The following CD86 variants were observed in gnomAD, a reference collection of about 807,000 sequenced individuals.
CD86 encodes T-lymphocyte activation antigen CD86.
Under a neutral mutation model 32.1 loss-of-function variants are expected in CD86, and 11 were observed. That is an observed-to-expected ratio of 0.34 (90% confidence interval 0.22 to 0.57). The LOEUF (loss-of-function observed/expected upper bound fraction) is 0.57. Ranked by LOEUF, CD86 falls within the 20% of genes least tolerant of loss-of-function variation. CD86 has a pLI of 0.86. For missense variants in CD86, 359 were observed against 398.4 expected (o/e 0.90, Z 0.84); for synonymous variants, 137 against 135.3 (o/e 1.01, Z -0.09).
intron 1 of CD86, among the ~76,000 whole-genome samples, chr3:122,081,492 T>C (rs1347675156): frequency 6.6e-6 from 1 of 152,190 alleles, no homozygotes; most frequent in Non-Finnish European, 1.5e-5. Context: ...CAGGGTTATA[T>C]ATTATCAGGA....
chr3:122,065,877 G>A (rs756916821), intron 1 of CD86, among the ~76,000 whole-genome samples: 2 of 151,934 alleles, frequency 1.3e-5, no homozygotes, highest in Admixed American at 6.6e-5. Context: ...AAACTTGACT[G>A]GGGGCTCAAT....
intron 1 of CD86, among the ~76,000 whole-genome samples, chr3:122,081,299 G>A (rs1347320976): frequency 1.3e-5 from 2 of 152,246 alleles, no homozygotes; most frequent in East Asian, 3.9e-4. Context: ...TTATTTGATT[G>A]TGTCTCAGAA....
chr3:122,066,176 T>C (rs1244710344), intron 1 of CD86, among the ~76,000 whole-genome samples: 1 of 152,232 alleles, frequency 6.6e-6, no homozygotes, highest in Non-Finnish European at 1.5e-5. Flanking sequence ...TTTGGGGGCC[T>C]TAAGAAAAAT....
intron 5 of CD86, among the ~76,000 whole-genome samples, chr3:122,117,261 T>C (rs1300686665): frequency 6.6e-6 from 1 of 152,212 alleles, no homozygotes; most frequent in Non-Finnish European, 1.5e-5. Context: ...ATCATTCTTA[T>C]GACTTTGTGG....
chr3:122,106,863 C>CACACACACACAT (rs1553754179), intron 4 of CD86, among the ~76,000 whole-genome samples: 1 of 151,914 alleles, frequency 6.6e-6, no homozygotes, highest in Non-Finnish European at 1.5e-5. Context: ...CACACACACA[C>CACACACACACAT]ACACACACCA....
intron 1 of CD86, among the ~76,000 whole-genome samples, chr3:122,070,558 C>T (rs1052387140): frequency 1.3e-5 from 2 of 152,096 alleles, no homozygotes; most frequent in African/African-American, 2.4e-5. Flanking sequence ...AAAATTGTAT[C>T]GCCCCTCAAA....
intron 5 of CD86, among the ~76,000 whole-genome samples, chr3:122,115,601 A>C (rs1173064491): frequency 6.6e-6 from 1 of 151,978 alleles, no homozygotes; most frequent in Non-Finnish European, 1.5e-5. Flanking sequence ...TTAGCCAGGC[A>C]TGGTGGCGCA....
chr3:122,064,195 CT>C (rs1247074723), intron 1 of CD86, among the ~76,000 whole-genome samples: 1 of 151,820 alleles, frequency 6.6e-6, no homozygotes, highest in East Asian at 1.9e-4. Flanking sequence ...CGAAGGGTAG[CT>C]GCTCCTAAGG....
Position 122,103,597 on chromosome 3 carries a change from G to T in CD86, c.150G>T (p.Leu50=). ...CQFANSQNQS[L]SELVVFWQDQ... ...TTGCAAACTCTCAAAACCAAAGCCTGAGTGAGCTAGTAGTATTTTGGCAGG... is the reference window on the plus strand; with the variant it reads ...TTGCAAACTCTCAAAACCAAAGCCTTAGTGAGCTAGTAGTATTTTGGCAGG... Residue 50 remains leucine, a synonymous_variant, in exon 3 of 7, where the codon CTG becomes CTT. Transcript: ENST00000330540. The T allele has an allele frequency of 2.5e-6, 4 of 1,614,000 alleles. No homozygotes were observed. The highest frequency in any genetic ancestry group is 3.4e-6 in the Non-Finnish European group (4 of 1,179,908).
chr3:122,071,346 C>G (rs1337509729), intron 1 of CD86, among the ~76,000 whole-genome samples: 1 of 152,118 alleles, frequency 6.6e-6, no homozygotes, highest in Admixed American at 6.6e-5. Context: ...ACAGTTTTGC[C>G]TTTTCCAGAA....
chr3:122,083,591 T>G (rs1178426396), intron 1 of CD86, among the ~76,000 whole-genome samples: 2 of 152,190 alleles, frequency 1.3e-5, no homozygotes, highest in Non-Finnish European at 2.9e-5. Context: ...CTCACAATGT[T>G]TGGGGTCAGG....
At chr3:122,072,952 T>C (rs1222605875) in intron 1 of CD86, among the ~76,000 whole-genome samples, 1 of 151,990 alleles carries the variant, frequency 6.6e-6, no homozygotes, top group African/African-American at 2.4e-5. Flanking sequence ...TGCATATGGC[T>C]AGCCAGTTTT....
At chr3:122,062,985 A>G (rs1399548435) in intron 1 of CD86, among the ~76,000 whole-genome samples, 1 of 152,178 alleles carries the variant, frequency 6.6e-6, no homozygotes, top group East Asian at 1.9e-4. Flanking sequence ...ACTATAGATA[A>G]GAGAAGGGCA....
chr3:122,118,443 A>G (rs2073290792), intron 6 of CD86, among the ~76,000 whole-genome samples: 1 of 152,208 alleles, frequency 6.6e-6, no homozygotes, highest in East Asian at 1.9e-4. Context: ...TGTGGAATGA[A>G]TAAATGAAGA....
intron 1 of CD86, chr3:122,086,515 G>T: frequency 2.2e-6 from 1 of 449,336 alleles, no homozygotes; most frequent in East Asian, 6.9e-5. Context: ...TTCTGCCCAA[G>T]TAGTCATATT....
chr3:122,119,586 A>G lies in CD86; in HGVS notation c.*52A>G. 8.6e-7 allele frequency: 1 copy of G among 1,164,008 alleles called. No individual in the cohort carries two copies. Among genetic ancestry groups the G allele is most frequent in the South Asian group, 1.3e-5 (1 of 77,756 alleles). 72.1% of individuals were successfully genotyped at this position (1,164,008 alleles called of 1,614,324 possible). ...TCATTTTTTCTACCCTTTCCTTTGT[A>G]AGTTCCTGGGCAACCTTTTTGATTT... On this transcript the variant is annotated 3_prime_UTR_variant, in exon 7 of 7. Transcript: ENST00000330540.
At chr3:122,077,920 C>G in intron 1 of CD86, 2 of 985,460 alleles carry the variant, frequency 2.0e-6, no homozygotes, top group Non-Finnish European at 2.4e-6. Flanking sequence ...TTAGGAGGTA[C>G]GGGGAGCTCG....
At chr3:122,102,102 A>G (rs543846781) in intron 2 of CD86, among the ~76,000 whole-genome samples, 3 of 152,220 alleles carry the variant, frequency 2.0e-5, no homozygotes, top group Admixed American at 1.3e-4. Flanking sequence ...CTCTGTACAC[A>G]GTTTAGTTTG....
intron 1 of CD86, among the ~76,000 whole-genome samples, chr3:122,069,392 G>A (rs1414344180): frequency 2.6e-5 from 4 of 152,198 alleles, no homozygotes; most frequent in Admixed American, 2.6e-4. Context: ...TAGGAACAAA[G>A]GTAAAGCATG....
Sources: allele counts gnomAD v4.1 joint callset (sites outside exome capture counted in the v4.1 genomes callset), GRCh38; gene constraint gnomAD v4.1.1; transcripts MANE v1.5; gene names NCBI Gene and HGNC (gene_info 2026-07-23, HGNC 2026-07-21).